Variants in BAIAP2 observed in about 807,000 individuals in gnomAD.
BAIAP2 encodes the protein BAR/IMD domain containing adaptor protein 2, also known as BAR/IMD domain-containing adapter protein 2.
A neutral mutation model predicts 63.0 loss-of-function variants in BAIAP2; 18 were observed. That is an observed-to-expected ratio of 0.29 (90% CI 0.20 to 0.42). The LOEUF (loss-of-function observed/expected upper bound fraction) is 0.42, where lower values mean the gene tolerates loss of function less well. Ranked by LOEUF, BAIAP2 falls within the 10% of genes least tolerant of loss-of-function variation. The probability of loss-of-function intolerance (pLI) is 1.00; values close to 1 mark genes in which losing one functional copy is unlikely to be tolerated. For synonymous variants in BAIAP2, 386 were observed against 307.6 expected (o/e 1.25, Z -2.67); for missense variants, 610 against 734.3 (o/e 0.83, Z 1.96).
intron 1 of BAIAP2, among the ~76,000 whole-genome samples, chr17:81,053,032 T>C (rs1392842309): frequency 1.3e-5 from 2 of 152,212 alleles, no homozygotes; most frequent in African/African-American, 2.4e-5. Context: ...TGCCTGTTTT[T>C]ATCCCTTGTA....
At chr17:81,088,755 C>T (rs1488241902) in intron 6 of BAIAP2, among the ~76,000 whole-genome samples, 7 of 152,250 alleles carry the variant, frequency 4.6e-5, no homozygotes, top group Non-Finnish European at 5.9e-5. Context: ...GTGTGGGTAC[C>T]GGAGGCTCCA....
At chr17:81,036,762 G>A (rs373323183) in intron 1 of BAIAP2, 4 of 1,025,878 alleles carry the variant, frequency 3.9e-6, no homozygotes, top group African/African-American at 3.2e-5. Flanking sequence ...TGTGGCATAC[G>A]GTTCTGGCCT....
chr17:81,047,698 G>A (rs1457691520), intron 1 of BAIAP2, among the ~76,000 whole-genome samples: 2 of 145,326 alleles, frequency 1.4e-5, no homozygotes, highest in East Asian at 2.0e-4. Context: ...CACAGCACAC[G>A]CACGGGTCCA....
intron 13 of BAIAP2, chr17:81,110,287 G>A (rs2059757615): frequency 5.1e-6 from 5 of 986,034 alleles, no homozygotes; most frequent in Non-Finnish European, 6.0e-6. Flanking sequence ...GGCGGACCGG[G>A]CCCTGTGTAG....
At chr17:81,078,040 G>T (rs946867514) in intron 3 of BAIAP2, among the ~76,000 whole-genome samples, 7 of 143,868 alleles carry the variant, frequency 4.9e-5, no homozygotes, top group Non-Finnish European at 9.1e-5. Context: ...TCTTGGGTGG[G>T]AGCCAGGCAC....
At chr17:81,047,864 A>G (rs1229232724) in intron 1 of BAIAP2, among the ~76,000 whole-genome samples, 3 of 152,268 alleles carry the variant, frequency 2.0e-5, no homozygotes, top group Non-Finnish European at 4.4e-5. Flanking sequence ...AAACGCATGC[A>G]GCACATGGCC....
intron 2 of BAIAP2, among the ~76,000 whole-genome samples, chr17:81,054,936 G>T (rs2049224115): frequency 6.6e-6 from 1 of 152,076 alleles, no homozygotes; most frequent in South Asian, 2.1e-4. Context: ...GCTATTCTTG[G>T]ACAGTGACCC....
intron 3 of BAIAP2, chr17:81,063,934 G>C (rs921413436): frequency 1.5e-5 from 2 of 131,886 alleles, no homozygotes; most frequent in Admixed American, 1.6e-4. Context: ...GCCCTGGTCT[G>C]TGCTGGGGTG....
In BAIAP2 at chr17:81,104,393, C is replaced by A. The variant is rs79609430; in HGVS notation, c.1067-121C>A. The A allele has an allele frequency of 1.8e-3, 2,022 of 1,134,564 alleles. 34 individuals carry two copies. In the East Asian group the frequency reaches 0.041, roughly 23 times the overall value. 70.3% of individuals were successfully genotyped at this position (1,134,564 alleles called of 1,614,324 possible). On this transcript the variant is annotated intron_variant, in intron 9 of 13. Coordinates refer to ENST00000428708, the MANE Select transcript of BAIAP2 (RefSeq NM_001144888.2). ...GTAGCTGCTGCTGCGGAGAGCTTAG[C>A]CAGCCCACTTACCCACCTGGGGCAC...
intron 6 of BAIAP2, among the ~76,000 whole-genome samples, chr17:81,090,337 G>T (rs546757256): frequency 6.6e-6 from 1 of 151,992 alleles, no homozygotes; most frequent in Non-Finnish European, 1.5e-5. Flanking sequence ...GTGCCTGCGT[G>T]GGGGCTCTCC....
chr17:81,053,181 A>T (rs534909186), intron 1 of BAIAP2, among the ~76,000 whole-genome samples: 1 of 152,092 alleles, frequency 6.6e-6, no homozygotes, highest in Admixed American at 6.5e-5. Context: ...GCATCTGCAG[A>T]TCAGGCTGCA....
At chr17:81,048,537 G>T (rs573337101) in intron 1 of BAIAP2, among the ~76,000 whole-genome samples, 2 of 152,068 alleles carry the variant, frequency 1.3e-5, no homozygotes, top group African/African-American at 4.8e-5. Context: ...TTTTGCTGCT[G>T]CCTTGTGCCC....
chr17:81,071,554 G>A (rs1267378070), intron 3 of BAIAP2, among the ~76,000 whole-genome samples: 3 of 152,242 alleles, frequency 2.0e-5, no homozygotes, highest in East Asian at 1.9e-4. Flanking sequence ...AGCAGAGAAA[G>A]GAGAAGAGTT....
intron 3 of BAIAP2, among the ~76,000 whole-genome samples, chr17:81,080,963 G>A (rs929141055): frequency 2.0e-5 from 3 of 152,252 alleles, no homozygotes; most frequent in Non-Finnish European, 4.4e-5. Context: ...CAGGATAGGG[G>A]GCCGGCGACC....
At chr17:81,099,726 G>A (rs1012383299) in intron 6 of BAIAP2, among the ~76,000 whole-genome samples, 3 of 152,052 alleles carry the variant, frequency 2.0e-5, no homozygotes, top group African/African-American at 7.2e-5. Context: ...GTGGCCATCG[G>A]GCATCTCCTG....
rs575925666 is a variant in BAIAP2, at chr17:81,035,186, C to T, written c.-69C>T. The T allele has an allele frequency of 3.2e-4, 422 of 1,314,476 alleles. 3 individuals carry two copies. Among genetic ancestry groups the T allele is most frequent in the Admixed American group, 1.7e-3 (69 of 39,618 alleles). 81.4% of individuals were successfully genotyped at this position (1,314,476 alleles called of 1,614,324 possible). Reference sequence around the variant, plus strand: ...TCCGCTTTCGTCTCCGTCCTGCTGCCGTTACCGCCGCTGCTGCCGCCGCTT... The same window carrying T: ...TCCGCTTTCGTCTCCGTCCTGCTGCTGTTACCGCCGCTGCTGCCGCCGCTT... On this transcript the variant is annotated 5_prime_UTR_variant, in exon 1 of 14. Transcript: ENST00000428708.
At chr17:81,036,966 G>A (rs1335278908) in intron 1 of BAIAP2, 5 of 1,535,408 alleles carry the variant, frequency 3.3e-6, no homozygotes, top group Non-Finnish European at 4.4e-6. Context: ...CAGGGGGTGA[G>A]TACATGGAGT....
At chr17:81,077,744 G>A (rs1202095151) in intron 3 of BAIAP2, among the ~76,000 whole-genome samples, 1 of 152,238 alleles carries the variant, frequency 6.6e-6, no homozygotes, top group African/African-American at 2.4e-5. Context: ...GCCAGACACC[G>A]TGGGTGCGGG....
intron 13 of BAIAP2, among the ~76,000 whole-genome samples, chr17:81,113,514 G>A (rs868327286): frequency 6.6e-6 from 1 of 152,184 alleles, no homozygotes; most frequent in Non-Finnish European, 1.5e-5. Flanking sequence ...CCAGACAGCT[G>A]GGGGGTGGGG....
Sources: gnomAD v4.1 joint callset for allele counts (sites outside exome capture counted in the v4.1 genomes callset) on GRCh38, gnomAD v4.1.1 for gene constraint, MANE v1.5 for transcripts, NCBI Gene and HGNC (gene_info 2026-07-23, HGNC 2026-07-21) for gene names.